Variants in NBPF26 observed in about 807,000 individuals in gnomAD.
NBPF26 encodes NBPF family member NBPF26.
A neutral mutation model predicts 119.6 loss-of-function variants in NBPF26; 79 were observed. That is an observed-to-expected ratio of 0.66 (90% confidence interval 0.55 to 0.80). The LOEUF (loss-of-function observed/expected upper bound fraction) is 0.80, where lower values mean the gene tolerates loss of function less well. Ranked by LOEUF, NBPF26 falls within the 30% of genes least tolerant of loss-of-function variation. NBPF26 has a pLI of 0.00. For missense variants in NBPF26, 800 were observed against 1,198.2 expected, an observed-to-expected ratio of 0.67 and a Z score of 4.91; for synonymous variants, 299 against 457.7, an observed-to-expected ratio of 0.65 and a Z score of 4.43.
chr1:120,810,766 C>A (rs1651841946), intron 9 of NBPF26, among the ~76,000 whole-genome samples: 2 of 111,398 alleles, frequency 1.8e-5, no homozygotes, highest in East Asian at 2.1e-4. Context: ...CCAGCCTACA[C>A]AATATGGTGA....
downstream of NBPF26, chr1:120,840,697 A>T (rs1329219241): frequency 1.5e-6 from 2 of 1,300,856 alleles, no homozygotes; most frequent in Admixed American, 2.2e-5. Flanking sequence ...CAGACATAGG[A>T]TGGTTCAGTG....
chr1:120,812,919 A>G (rs1159874420), intron 10 of NBPF26, among the ~76,000 whole-genome samples: 14 of 44,270 alleles, frequency 3.2e-4, no homozygotes, highest in African/African-American at 1.6e-3. Flanking sequence ...CAAGACTGCT[A>G]AAAATAATAA....
chr1:120,840,317 T>A (rs1553273388), intron 29 of NBPF26, 33 bp from the exon 36 acceptor site: 1 of 1,444,684 alleles, frequency 6.9e-7, no homozygotes. Context: ...CGATTTTCCC[T>A]GGCTGCTTCT....
At chr1:120,756,711 T>C (rs1485722646) in intron 1 of NBPF26, among the ~76,000 whole-genome samples, 2 of 116,698 alleles carry the variant, frequency 1.7e-5, no homozygotes, top group East Asian at 4.2e-4. Context: ...GCCAGTGATA[T>C]GTAGCTGGTA....
At chr1:120,803,626 G>A (rs1270170754) in intron 4 of NBPF26, among the ~76,000 whole-genome samples, 2 of 123,890 alleles carry the variant, frequency 1.6e-5, no homozygotes, top group Non-Finnish European at 3.3e-5. Flanking sequence ...TGGAAATATG[G>A]CCAAATACGT....
chr1:120,733,133 G>A lies in NBPF26; in HGVS notation c.73+8883G>A, dbSNP rs1444203905. 4.9e-4 allele frequency among the ~76,000 whole-genome samples: 47 copies of A among 95,042 alleles called. 6 individuals are homozygous for A. The highest frequency in any genetic ancestry group is 1.1e-3 in the African/African-American group (15 of 14,006). The allele number at this position is 95,042 out of a possible 152,430, so 62.4% of individuals were successfully genotyped here. A position where few individuals can be genotyped will look rare whatever the true frequency, so the allele number is the denominator to read the frequency against. On this transcript the variant is annotated intron_variant, in intron 1 of 29. Coordinates refer to ENST00000620612, the Ensembl canonical transcript of NBPF26. ...TATTTTTATATATATATATATATAT[G>A]TTTAGTTTATGAACAGATCTACATA...
intron 8 of NBPF26, 100 bp from the exon 9 acceptor site, chr1:120,810,247 C>T (rs1303119808): frequency 7.2e-7 from 1 of 1,393,288 alleles, no homozygotes; most frequent in East Asian, 2.3e-5. Context: ...TTTCTGGAAC[C>T]ACTCTCTTAA....
Position 120,784,846 on chromosome 1 carries a change from A to G in NBPF26, c.156-128A>G. 4.9e-6 allele frequency: 5 copies of G among 1,019,868 alleles called. 2 individuals are homozygous for G. The South Asian group carries it at 7.2e-5, about 15-fold the overall frequency. The allele number at this position is 1,019,868 out of a possible 1,614,324, so 63.2% of individuals were successfully genotyped here. A position where few individuals can be genotyped will look rare whatever the true frequency, so the allele number is the denominator to read the frequency against. ...TTCTTCTAAAGGGAAGCAGTTTTAT[A>G]GGTGGTACTTGTAGGTCTGTTGATT... On this transcript the variant is annotated intron_variant, in intron 2 of 29. Coordinates refer to ENST00000620612, the Ensembl canonical transcript of NBPF26.
rs1310768503 is a variant in NBPF26, at chr1:120,807,981, G to T, written c.1064+272G>T. On this transcript the variant is annotated intron_variant, in intron 6 of 29. Transcript: ENST00000620612. ...TAACACAAAATTTACCAAAGGAGTG[G>T]GAACCACCCAGCAGCATTCAGTATA... is the stretch of plus-strand genomic sequence containing the variant. 9.8e-5 allele frequency among the ~76,000 whole-genome samples: 12 copies of T among 122,200 alleles called. 2 individuals are homozygous for T. The highest frequency in any genetic ancestry group is 1.3e-4 in the Non-Finnish European group (8 of 60,484). The allele number at this position is 122,200 out of a possible 152,430, so 80.2% of individuals were successfully genotyped here. A position where few individuals can be genotyped will look rare whatever the true frequency, so the allele number is the denominator to read the frequency against.
At position 120,816,835 on chromosome 1, in the gene NBPF26, C is replaced by G. The variant is rs2101524300; in HGVS notation, c.2371+8C>G. 8 of 1,448,650 alleles carry G rather than the reference C, an allele frequency of 5.5e-6. No homozygotes were observed. In the East Asian group the frequency reaches 1.8e-4, roughly 33 times the overall value. The allele number at this position is 1,448,650 out of a possible 1,614,324, so 89.7% of individuals were successfully genotyped here. ...CTGTACACATTATTCCAGGTAGCCT[C>G]TGTTTTCCTTGTGTCTCATACCTCT... On this transcript the variant is annotated splice_region_variant and intron_variant, in intron 14 of 29. Transcript: ENST00000620612.
chr1:120,840,283 A>T, intron 29 of NBPF26, 67 bp from the exon 36 acceptor site: 1 of 1,443,892 alleles, frequency 6.9e-7, no homozygotes, highest in Non-Finnish European at 9.2e-7. Context: ...TTACTTCTGA[A>T]ATCTAGTGGG....
At chr1:120,745,815 CA>C (rs1357711195) in intron 1 of NBPF26, among the ~76,000 whole-genome samples, 47 of 15,536 alleles carry the variant, frequency 3.0e-3, no homozygotes, top group African/African-American at 0.014. Context: ...GACTGCATCT[CA>C]AAAAAAAAAA....
Position 120,724,140 on chromosome 1 carries a change from C to A in NBPF26, c.-38C>A, listed in dbSNP as rs1175380515. On this transcript the variant is annotated 5_prime_UTR_variant, in exon 1 of 30. Transcript: ENST00000620612. Reference sequence around the variant, plus strand: ...TGTGGATCTGCCCAGGCGGCGGCGGCGGCGGCGGCGGAGGAGGAGGAGGAG... The same window carrying A: ...TGTGGATCTGCCCAGGCGGCGGCGGAGGCGGCGGCGGAGGAGGAGGAGGAG... The A allele has an allele frequency of 1.5e-5, 21 of 1,363,966 alleles. 4 individuals are homozygous for A. Among genetic ancestry groups the A allele is most frequent in the Non-Finnish European group, 2.0e-5 (21 of 1,050,410 alleles). 84.5% of individuals were successfully genotyped at this position (1,363,966 alleles called of 1,614,324 possible).
chr1:120,728,891 C>T (rs1394852166), intron 1 of NBPF26, among the ~76,000 whole-genome samples: 36 of 103,588 alleles, frequency 3.5e-4, no homozygotes, highest in Middle Eastern at 4.3e-3. Context: ...TGAATAAATA[C>T]TTGAGAGAAT....
Position 120,723,992 on chromosome 1 carries a change from C to T in NBPF26, c.-186C>T, listed in dbSNP as rs1262570899. ...GAGGCGGCGGCCGAGGAGCGGCGGA[C>T]TCGGGGCGCGGGGAGTCGAGGCATT... On this transcript the variant is annotated 5_prime_UTR_variant, in exon 1 of 30. Coordinates refer to ENST00000620612, the Ensembl canonical transcript of NBPF26. The T allele has an allele frequency of 3.3e-6, 4 of 1,207,754 alleles. 1 individual carries two copies. The highest frequency in any genetic ancestry group is 4.1e-6 in the Non-Finnish European group (4 of 964,162). The allele number at this position is 1,207,754 out of a possible 1,614,324, so 74.8% of individuals were successfully genotyped here. A position where few individuals can be genotyped will look rare whatever the true frequency, so the allele number is the denominator to read the frequency against.
intron 11 of NBPF26, 134 bp from the exon 12 acceptor site, chr1:120,814,695 A>G: frequency 1.6e-6 from 1 of 642,154 alleles, no homozygotes; most frequent in South Asian, 1.7e-5. Context: ...GGCCACAGAC[A>G]TTCCTTTAAA....
chr1:120,724,365 G>C, intron 1 of NBPF26, 115 bp downstream of exon 1: 2 of 1,350,860 alleles, frequency 1.5e-6, no homozygotes, highest in South Asian at 1.3e-5. Flanking sequence ...CGCCGGCGCG[G>C]AGTGAGGCCA....
intron 3 of NBPF26, 26 bp from the exon 4 acceptor site, chr1:120,793,135 A>G: frequency 1.9e-6 from 2 of 1,056,226 alleles, no homozygotes; most frequent in Non-Finnish European, 2.7e-6. Context: ...TGTGGCCAGT[A>G]CTGAGTTTTG....
At chr1:120,817,851 T>G (rs1652042018) in intron 14 of NBPF26, among the ~76,000 whole-genome samples, 1 of 108,934 alleles carries the variant, frequency 9.2e-6, no homozygotes, top group African/African-American at 5.7e-5. Context: ...TTGGAGATTT[T>G]TTTGGGGAAA....
Sources: allele counts gnomAD v4.1 joint callset (sites outside exome capture counted in the v4.1 genomes callset), GRCh38; gene constraint gnomAD v4.1.1; transcripts MANE v1.5; gene names NCBI Gene and HGNC (gene_info 2026-07-23, HGNC 2026-07-21).